The following KCNIP4 variants were observed in gnomAD, a reference collection of about 807,000 sequenced individuals.
KCNIP4 encodes potassium voltage-gated channel interacting protein 4.
A neutral mutation model predicts 34.0 loss-of-function variants in KCNIP4; 12 were observed. The ratio of observed to expected loss-of-function variants is 0.35; its 90% CI spans 0.23 to 0.57. The LOEUF (loss-of-function observed/expected upper bound fraction) is 0.57. Ranked by LOEUF, KCNIP4 falls within the 20% of genes least tolerant of loss-of-function variation. The pLI is 0.83. For missense variants in KCNIP4, 238 were observed against 311.7 expected, an observed-to-expected ratio of 0.76 and a Z score of 1.78; for synonymous variants, 124 against 102.2, an observed-to-expected ratio of 1.21 and a Z score of -1.29.
intron 1 of KCNIP4, among the ~76,000 whole-genome samples, chr4:21,453,072 T>C (rs549513811): frequency 1.3e-5 from 2 of 152,196 alleles, no homozygotes; most frequent in Admixed American, 6.5e-5. Context: ...ATTTTAGAAC[T>C]ACAGGCTCAA....
At chr4:20,734,802 G>A in intron 5 of KCNIP4, 67 bp from the exon 6 acceptor site, 1 of 691,114 alleles carries the variant, frequency 1.4e-6, no homozygotes, top group African/African-American at 2.2e-5. Context: ...AAAAACAAAT[G>A]ATGTAAGTAA....
chr4:20,921,883 G>A (rs1001978910), intron 1 of KCNIP4, among the ~76,000 whole-genome samples: 1 of 152,102 alleles, frequency 6.6e-6, no homozygotes, highest in Admixed American at 6.5e-5. Flanking sequence ...TTTGTCATGA[G>A]GCCATTGTCT....
At chr4:21,233,358 T>A (rs557053223) in intron 1 of KCNIP4, among the ~76,000 whole-genome samples, 1 of 152,144 alleles carries the variant, frequency 6.6e-6, no homozygotes, top group South Asian at 2.1e-4. Context: ...ACTAAATACT[T>A]CCTCACTGTT....
intron 1 of KCNIP4, among the ~76,000 whole-genome samples, chr4:21,770,897 T>A (rs1223176886): frequency 3.9e-5 from 6 of 152,206 alleles, no homozygotes; most frequent in Non-Finnish European, 7.3e-5. Context: ...GTAGGCTGCC[T>A]GTTCCCTCTG....
At chr4:21,789,561 C>A (rs59961441) in intron 1 of KCNIP4, among the ~76,000 whole-genome samples, 16,029 of 152,144 alleles carry the variant, frequency 0.11, 2,882 homozygotes, top group African/African-American at 0.37. Context: ...GATACAGCAA[C>A]TGGGTCACAG....
intron 1 of KCNIP4, among the ~76,000 whole-genome samples, chr4:21,337,619 A>G (rs1277028450): frequency 6.6e-6 from 1 of 152,164 alleles, no homozygotes; most frequent in Non-Finnish European, 1.5e-5. Flanking sequence ...TTAAAGTACA[A>G]ACTTCTTTTT....
intron 1 of KCNIP4, among the ~76,000 whole-genome samples, chr4:21,116,430 T>C (rs368509723): frequency 4.6e-5 from 7 of 152,210 alleles, no homozygotes; most frequent in Non-Finnish European, 1.0e-4. Flanking sequence ...GCAGAGATCA[T>C]CGTTCTTACG....
intron 1 of KCNIP4, among the ~76,000 whole-genome samples, chr4:20,900,175 A>G (rs1465995412): frequency 2.6e-5 from 4 of 152,196 alleles, no homozygotes; most frequent in East Asian, 3.9e-4. Flanking sequence ...CCAGATCTCA[A>G]TGAAATGGAA....
chr4:21,764,417 G>C (rs1718266332), intron 1 of KCNIP4, among the ~76,000 whole-genome samples: 1 of 152,152 alleles, frequency 6.6e-6, no homozygotes, highest in East Asian at 1.9e-4. Flanking sequence ...AACTTGGAGA[G>C]AAAGTGGAAG....
intron 1 of KCNIP4, among the ~76,000 whole-genome samples, chr4:21,585,519 G>A (rs1741547040): frequency 6.6e-6 from 1 of 152,080 alleles, no homozygotes; most frequent in Non-Finnish European, 1.5e-5. Context: ...ATTTCACTGT[G>A]TCATGAGAAT....
At chr4:21,556,587 C>T (rs979493152) in intron 1 of KCNIP4, among the ~76,000 whole-genome samples, 8 of 152,096 alleles carry the variant, frequency 5.3e-5, no homozygotes, top group African/African-American at 1.9e-4. Flanking sequence ...CTCTATAGGA[C>T]AATTTATTGC....
chr4:21,612,492 A>G (rs1278110909), intron 1 of KCNIP4, among the ~76,000 whole-genome samples: 1 of 152,228 alleles, frequency 6.6e-6, no homozygotes, highest in African/African-American at 2.4e-5. Context: ...TCATTGAATC[A>G]TGGAATTTTA....
intron 1 of KCNIP4, among the ~76,000 whole-genome samples, chr4:20,907,538 G>A (rs1727891737): frequency 6.6e-6 from 1 of 152,036 alleles, no homozygotes; most frequent in African/African-American, 2.4e-5. Context: ...AACCACACTG[G>A]CAATAACAGA....
intron 1 of KCNIP4, among the ~76,000 whole-genome samples, chr4:21,941,019 T>C (rs1018925978): frequency 2.6e-5 from 4 of 152,174 alleles, no homozygotes; most frequent in African/African-American, 9.6e-5. Context: ...ATAAAAGGTA[T>C]GGGCTAGGCC....
At chr4:21,433,506 T>C (rs1333781855) in intron 1 of KCNIP4, among the ~76,000 whole-genome samples, 2 of 152,206 alleles carry the variant, frequency 1.3e-5, no homozygotes, top group Non-Finnish European at 1.5e-5. Context: ...TAGCCACACC[T>C]AGCTAACCCG....
chr4:21,289,578 C>A (rs1383734989), intron 1 of KCNIP4, among the ~76,000 whole-genome samples: 2 of 152,062 alleles, frequency 1.3e-5, no homozygotes, highest in Non-Finnish European at 2.9e-5. Flanking sequence ...TCCCTAAGGA[C>A]AAGTTTTATA....
chr4:21,941,765 C>A (rs1479741356), intron 1 of KCNIP4, among the ~76,000 whole-genome samples: 1 of 152,156 alleles, frequency 6.6e-6, no homozygotes, highest in Admixed American at 6.5e-5. Flanking sequence ...AGCCACTCAA[C>A]CACACTGGCT....
At chr4:21,944,400 A>G (rs564823850) in intron 1 of KCNIP4, among the ~76,000 whole-genome samples, 1 of 151,748 alleles carries the variant, frequency 6.6e-6, no homozygotes, top group East Asian at 2.0e-4. Flanking sequence ...AAAAAGAAAA[A>G]AAAAATTAGT....
Position 20,793,854 on chromosome 4 carries a change from A to C in KCNIP4, c.289-34964T>G, listed in dbSNP as rs1051456093. Among the ~76,000 whole-genome samples the C allele has an allele frequency of 1.1e-4, 17 of 151,996 alleles. No individual in the cohort carries two copies. The South Asian group carries it at 1.3e-3, about 11-fold the overall frequency. On this transcript the variant is annotated intron_variant, in intron 3 of 8. Transcript: ENST00000382152. ...AAGGAGCACACAACCTAGATCCCTC[A>C]TGATATGGTTTGGCTGTGTCCCCAC...
Sources: allele counts gnomAD v4.1 joint callset (sites outside exome capture counted in the v4.1 genomes callset), GRCh38; gene constraint gnomAD v4.1.1; transcripts MANE v1.5; gene names NCBI Gene and HGNC (gene_info 2026-07-23, HGNC 2026-07-21).